CSMD2: variants seen among roughly 807,000 people sequenced by gnomAD.
CSMD2 encodes CUB and Sushi multiple domains 2.
In CSMD2, 130 loss-of-function variants were observed where a neutral mutation model predicts 398.5. That is an observed-to-expected ratio of 0.33 (90% CI 0.28 to 0.38). The LOEUF is 0.38. CSMD2 is among the 10% of genes least tolerant of loss of function. The probability of loss-of-function intolerance (pLI) is 1.00; values close to 1 mark genes in which losing one functional copy is unlikely to be tolerated. For missense variants in CSMD2, 3,829 were observed against 4,764.9 expected (o/e 0.80, Z 5.78); for synonymous variants, 1,828 against 1,908.5 (o/e 0.96, Z 1.10).
chr1:33,520,019 C>T (rs559401686), intron 68 of CSMD2, 69 bp from the exon 69 acceptor site: 133 of 1,561,734 alleles, frequency 8.5e-5, no homozygotes, highest in Middle Eastern at 1.7e-4. Flanking sequence ...CTACCCTCCC[C>T]GACTATACAC....
chr1:34,145,339 C>A (rs918461883), intron 1 of CSMD2, among the ~76,000 whole-genome samples: 1 of 152,168 alleles, frequency 6.6e-6, no homozygotes, highest in Non-Finnish European at 1.5e-5. Flanking sequence ...AGGTTCTGTA[C>A]CAGGACAGCA....
intron 15 of CSMD2, 38 bp from the exon 16 acceptor site, chr1:33,726,723 G>T: frequency 1.9e-6 from 3 of 1,577,206 alleles, no homozygotes; most frequent in Non-Finnish European, 2.6e-6. Flanking sequence ...CTTTCTTCAG[G>T]GACAAATGAG....
intron 25 of CSMD2, among the ~76,000 whole-genome samples, chr1:33,688,537 T>C (rs908707048): frequency 6.6e-5 from 10 of 152,168 alleles, no homozygotes; most frequent in African/African-American, 2.4e-4. Context: ...AAAAAAATGA[T>C]TATCTGGCTG....
chr1:33,734,365 ATTTG>A (rs1646815970), intron 15 of CSMD2, among the ~76,000 whole-genome samples: 1 of 152,126 alleles, frequency 6.6e-6, no homozygotes, highest in Non-Finnish European at 1.5e-5. Context: ...GTATTCCTTT[ATTTG>A]TTTATTTGAC....
chr1:33,526,543 T>A (rs887326101), intron 65 of CSMD2, among the ~76,000 whole-genome samples: 1 of 152,260 alleles, frequency 6.6e-6, no homozygotes, highest in Non-Finnish European at 1.5e-5. Context: ...TTGTCATTTA[T>A]CCTTGTAATC....
chr1:33,888,420 A>C (rs1177881513), intron 5 of CSMD2, among the ~76,000 whole-genome samples: 1 of 152,234 alleles, frequency 6.6e-6, no homozygotes, highest in Admixed American at 6.5e-5. Flanking sequence ...GAAATAGATT[A>C]ACAGAGAAAT....
intron 15 of CSMD2, among the ~76,000 whole-genome samples, chr1:33,728,454 C>T (rs2149214853): frequency 6.6e-6 from 1 of 152,168 alleles, no homozygotes; most frequent in East Asian, 1.9e-4. Flanking sequence ...TAGTAGTCGT[C>T]AACTCTTACT....
At chr1:33,749,062 T>C (rs1485031999) in intron 13 of CSMD2, among the ~76,000 whole-genome samples, 1 of 149,002 alleles carries the variant, frequency 6.7e-6, no homozygotes, top group Admixed American at 6.7e-5. Context: ...CTGAGCTCAA[T>C]GAGGAAAACA....
At chr1:33,679,668 G>C (rs1302191913) in intron 25 of CSMD2, among the ~76,000 whole-genome samples, 3 of 151,928 alleles carry the variant, frequency 2.0e-5, no homozygotes, top group African/African-American at 7.3e-5. Flanking sequence ...ATCATCAAAT[G>C]GTAAAATCAC....
intron 3 of CSMD2, among the ~76,000 whole-genome samples, chr1:33,960,631 A>G (rs891181038): frequency 2.6e-5 from 4 of 152,172 alleles, no homozygotes; most frequent in Non-Finnish European, 4.4e-5. Flanking sequence ...TGTGCCAGGC[A>G]CCATGGAAGC....
At chr1:34,025,689 A>G (rs1047922649) in intron 3 of CSMD2, among the ~76,000 whole-genome samples, 1 of 152,194 alleles carries the variant, frequency 6.6e-6, no homozygotes, top group African/African-American at 2.4e-5. Flanking sequence ...AACATCTCTG[A>G]TACAAAGAGA....
chr1:34,158,480 T>G (rs1045886061), intron 1 of CSMD2, among the ~76,000 whole-genome samples: 4 of 152,142 alleles, frequency 2.6e-5, no homozygotes, highest in Admixed American at 6.5e-5. Flanking sequence ...CCCTCCTGGA[T>G]GAAGGGCACT....
At chr1:33,574,495 C>T (rs1228907332) in intron 49 of CSMD2, among the ~76,000 whole-genome samples, 1 of 152,242 alleles carries the variant, frequency 6.6e-6, no homozygotes, top group South Asian at 2.1e-4. Context: ...CCTCCATCCA[C>T]TATCCCCTCT....
chr1:33,519,358 G>T lies in CSMD2; in HGVS notation c.*53+107C>A. Reference sequence around the variant, plus strand: ...CTCAATGCACAGCTCTCCTCTTACTGGGTGTGTCTATGTGGTGTGTGCGAC... The same window carrying T: ...CTCAATGCACAGCTCTCCTCTTACTTGGTGTGTCTATGTGGTGTGTGCGAC... On this transcript the variant is annotated intron_variant, in intron 70 of 70. Transcript: ENST00000373381. The surrounding 1 kb of genome is among the most constrained non-coding windows in gnomAD (Gnocchi z 5.6). The T allele has an allele frequency of 1.5e-6, 1 of 652,564 alleles. No individual in the cohort carries two copies. Among genetic ancestry groups the T allele is most frequent in the Non-Finnish European group, 2.7e-6 (1 of 375,822 alleles). The allele number at this position is 652,564 out of a possible 1,614,324, so 40.4% of individuals were successfully genotyped here.
chr1:34,025,789 G>A (rs754359829), intron 3 of CSMD2, among the ~76,000 whole-genome samples: 1 of 152,104 alleles, frequency 6.6e-6, no homozygotes. Flanking sequence ...CCTATCCAAT[G>A]GACACAGGCT....
chr1:33,652,561 G>T, intron 27 of CSMD2, 100 bp from the exon 28 acceptor site: 1 of 1,407,682 alleles, frequency 7.1e-7, no homozygotes, highest in Non-Finnish European at 9.8e-7. Flanking sequence ...GGCTGAGGCT[G>T]ACAGGCTGAA....
At chr1:33,630,306 G>A (rs978440194) in intron 32 of CSMD2, among the ~76,000 whole-genome samples, 1 of 152,304 alleles carries the variant, frequency 6.6e-6, no homozygotes, top group East Asian at 1.9e-4. Context: ...TCTTGGTTGG[G>A]TGTGTATGTG....
At position 33,633,318 on chromosome 1, in the gene CSMD2, G is replaced by C; in HGVS notation, c.5200+104C>G. 1.2e-6 allele frequency: 1 copy of C among 813,408 alleles called. No individual in the cohort carries two copies. Among genetic ancestry groups the C allele is most frequent in the African/African-American group, 1.7e-5 (1 of 59,116 alleles). 50.4% of individuals were successfully genotyped at this position (813,408 alleles called of 1,614,324 possible). On this transcript the variant is annotated intron_variant, in intron 32 of 70. Transcript: ENST00000373381. The surrounding 1 kb of genome is among the most constrained non-coding windows in gnomAD (Gnocchi z 5.0). ...AACACGACAGGCACGCAGAGCCGTAGGGTTCCACCTGCGGCCATGGGGTGC... is the reference window on the plus strand; with the variant it reads ...AACACGACAGGCACGCAGAGCCGTACGGTTCCACCTGCGGCCATGGGGTGC...
intron 59 of CSMD2, 75 bp downstream of exon 59, chr1:33,541,055 A>G: frequency 6.9e-7 from 1 of 1,450,978 alleles, no homozygotes; most frequent in East Asian, 2.3e-5. Context: ...TCCCTTCTAG[A>G]GAGATGCTCA....
Sources: allele counts gnomAD v4.1 joint callset (sites outside exome capture counted in the v4.1 genomes callset), GRCh38; gene constraint gnomAD v4.1.1; non-coding constraint Gnocchi (gnomAD v3.1); transcripts MANE v1.5; gene names NCBI Gene and HGNC (gene_info 2026-07-23, HGNC 2026-07-21).